APAF1: variants seen among roughly 807,000 people sequenced by gnomAD.
APAF1 encodes apoptotic protease-activating factor 1.
APAF1 carries 91 observed loss-of-function variants against 152.4 expected under a neutral mutation model. The ratio of observed to expected loss-of-function variants is 0.60; its 90% CI spans 0.50 to 0.71. The LOEUF (loss-of-function observed/expected upper bound fraction) is 0.71. Ranked by LOEUF, APAF1 falls within the 30% of genes least tolerant of loss-of-function variation. APAF1 has a pLI of 0.00. For missense variants in APAF1, 1,283 were observed against 1,472.0 expected, an observed-to-expected ratio of 0.87 and a Z score of 2.10; for synonymous variants, 484 against 494.1, an observed-to-expected ratio of 0.98 and a Z score of 0.27.
intron 14 of APAF1, among the ~76,000 whole-genome samples, chr12:98,682,300 G>A (rs546494552): frequency 3.3e-5 from 5 of 151,490 alleles, no homozygotes; most frequent in Non-Finnish European, 7.4e-5. Context: ...TGATCTGCCC[G>A]CCTCGGCCTC....
chr12:98,669,885 C>T (rs1046760354), intron 10 of APAF1, among the ~76,000 whole-genome samples: 3 of 138,314 alleles, frequency 2.2e-5, no homozygotes, highest in African/African-American at 6.0e-5. Context: ...CCTTCCCCTC[C>T]CCTCCCCTCT....
intron 26 of APAF1, among the ~76,000 whole-genome samples, chr12:98,731,652 T>C (rs1028335677): frequency 2.4e-4 from 37 of 152,236 alleles, no homozygotes; most frequent in Non-Finnish European, 8.8e-5. Context: ...TGGGTGACAC[T>C]ATTACTGTGT....
chr12:98,653,688 A>T (rs2097652209), intron 4 of APAF1, among the ~76,000 whole-genome samples: 3 of 63,896 alleles, frequency 4.7e-5, no homozygotes, highest in Non-Finnish European at 9.2e-5. Flanking sequence ...AAAAAAAAAA[A>T]AAAATATATA....
chr12:98,682,742 G>C (rs1001016045), intron 14 of APAF1, among the ~76,000 whole-genome samples: 6 of 152,158 alleles, frequency 3.9e-5, no homozygotes, highest in African/African-American at 1.4e-4. Flanking sequence ...AGGTAAGTTA[G>C]GGATTTGTGA....
intron 16 of APAF1, among the ~76,000 whole-genome samples, chr12:98,694,020 A>G (rs1450371966): frequency 6.6e-6 from 1 of 152,150 alleles, no homozygotes; most frequent in African/African-American, 2.4e-5. Flanking sequence ...AACAAAAGCA[A>G]TGCGGGAGAG....
At chr12:98,666,140 C>T in intron 8 of APAF1, 50 bp from the exon 9 acceptor site, 2 of 1,546,714 alleles carry the variant, frequency 1.3e-6, no homozygotes, top group Non-Finnish European at 1.8e-6. Flanking sequence ...TGTCTACAGT[C>T]CTGGTCATTG....
At position 98,699,558 on chromosome 12, in the gene APAF1, A is replaced by G; in HGVS notation, c.2455A>G (p.Asn819Asp). The change falls in exon 17 of 27, where the codon AAT becomes GAT. Residue 819 changes from asparagine (N) to aspartate (D), a missense_variant. By Grantham distance (23) the Asn-to-Asp change is conservative. Coordinates refer to ENST00000551964, the MANE Select transcript of APAF1 (RefSeq NM_181861.2). ...TGCAAGGATAATGGTGGCAGCAAAA[A>G]ATAAAATCTTTGTAAGTACTTTAAA... ...DGARIMVAAKNKIFLFDIHTS... is the reference protein window; with the variant it reads ...DGARIMVAAKDKIFLFDIHTS... 1 of 1,614,208 alleles carries G rather than the reference A, an allele frequency of 6.2e-7. No homozygotes were observed. Among genetic ancestry groups the G allele is most frequent in the Non-Finnish European group, 8.5e-7 (1 of 1,180,036 alleles).
At chr12:98,695,362 C>CT (rs1555219354) in intron 16 of APAF1, among the ~76,000 whole-genome samples, 3,631 of 141,772 alleles carry the variant, frequency 0.026, 138 homozygotes, top group African/African-American at 0.084. Context: ...CGCCCCCCCC[C>CT]TTTTTTTTTT....
chr12:98,665,278 A>ATATATATATATATATATATATATTT (rs1491316422), intron 7 of APAF1, among the ~76,000 whole-genome samples: 9 of 65,980 alleles, frequency 1.4e-4, no homozygotes, highest in Non-Finnish European at 2.1e-4. Context: ...ATATATATAT[A>ATATATATATATATATATATATATTT]TTTTTTTTTT....
At chr12:98,650,708 A>G (rs2097647888) in intron 4 of APAF1, among the ~76,000 whole-genome samples, 1 of 152,052 alleles carries the variant, frequency 6.6e-6, no homozygotes, top group African/African-American at 2.4e-5. Flanking sequence ...CTGATTCCTA[A>G]CCCTTGGTTT....
At chr12:98,652,022 C>T (rs989366363) in intron 4 of APAF1, among the ~76,000 whole-genome samples, 11 of 152,132 alleles carry the variant, frequency 7.2e-5, no homozygotes, top group Non-Finnish European at 1.3e-4. Context: ...GTCATGTTAC[C>T]GAGGTTGGTC....
rs962834274 is a variant in APAF1, at chr12:98,719,858, A to G, written c.3085-3335A>G. ...ATTATTATATTCTTTTATTTAGTAT[A>G]TATATTAATTGTGGTGGCAATATTT... On this transcript the variant is annotated intron_variant, in intron 22 of 26. Transcript: ENST00000551964. Among the ~76,000 whole-genome samples the G allele has an allele frequency of 4.6e-5, 7 of 152,266 alleles. No homozygotes were observed. In the South Asian group the frequency reaches 8.3e-4, roughly 18 times the overall value.
intron 22 of APAF1, among the ~76,000 whole-genome samples, chr12:98,719,395 G>A (rs2097739097): frequency 6.6e-6 from 1 of 152,014 alleles, no homozygotes; most frequent in African/African-American, 2.4e-5. Context: ...CTGTTGCCAG[G>A]CTGGAGTGCA....
chr12:98,662,598 C>T (rs2097666971), intron 6 of APAF1, 30 bp downstream of exon 6: 1 of 1,601,718 alleles, frequency 6.2e-7, no homozygotes, highest in South Asian at 1.1e-5. Flanking sequence ...TTTTTAGTAC[C>T]TTTATATTTA....
chr12:98,660,870 G>A (rs1174021504), intron 5 of APAF1, among the ~76,000 whole-genome samples: 3 of 152,156 alleles, frequency 2.0e-5, no homozygotes, highest in Non-Finnish European at 4.4e-5. Context: ...TCTCAAATTG[G>A]TAAGGGTATT....
intron 22 of APAF1, 39 bp from the exon 23 acceptor site, chr12:98,723,154 G>A (rs1481883817): frequency 5.6e-6 from 9 of 1,604,238 alleles, no homozygotes; most frequent in East Asian, 2.2e-5. Context: ...AGATAGGATC[G>A]GGGGAGGATT....
At chr12:98,672,219 C>T (rs2097681096) in intron 12 of APAF1, among the ~76,000 whole-genome samples, 1 of 152,020 alleles carries the variant, frequency 6.6e-6, no homozygotes, top group Non-Finnish European at 1.5e-5. Context: ...GGCTGGAGTG[C>T]AGTGGTGTGA....
rs1476264255 is a variant in APAF1 at position 98,725,456 on chromosome 12, G to A, written c.3372G>A (p.Arg1124=). ...FDLLLPLHEL[R]GHNGCVRCSA... ...TCCTTTTGCCACTTCATGAATTGAG[G>A]GGCCACAACGGCTGTGTGCGCTGCT... Residue 1124 remains arginine, a synonymous_variant, in exon 25 of 27, where the codon AGG becomes AGA. Coordinates refer to ENST00000551964, the MANE Select transcript of APAF1 (RefSeq NM_181861.2). 1.9e-6 allele frequency: 3 copies of A among 1,613,930 alleles called. No homozygotes were observed. The highest frequency in any genetic ancestry group is 1.7e-5 in the Admixed American group (1 of 60,002).
chr12:98,659,452 A>G lies in APAF1; in HGVS notation c.710+109A>G, dbSNP rs890291008. On this transcript the variant is annotated intron_variant, in intron 5 of 26. Coordinates refer to ENST00000551964, the MANE Select transcript of APAF1 (RefSeq NM_181861.2). ...TTTTTCCTGCTGTTCTATAGGGAGG[A>G]TAAGAGAGAACCATTGCGGCCAGGT... is the stretch of plus-strand genomic sequence containing the variant. The G allele has an allele frequency of 7.4e-5, 90 of 1,221,982 alleles. No homozygotes were observed. The East Asian group carries it at 2.1e-3, about 29-fold the overall frequency. 75.7% of individuals were successfully genotyped at this position (1,221,982 alleles called of 1,614,324 possible).
Sources: allele counts gnomAD v4.1 joint callset (sites outside exome capture counted in the v4.1 genomes callset), GRCh38; gene constraint gnomAD v4.1.1; transcripts MANE v1.5; gene names NCBI Gene and HGNC (gene_info 2026-07-23, HGNC 2026-07-21).